Variants in CDKAL1 observed in about 807,000 individuals in gnomAD.
The protein encoded by CDKAL1 is threonylcarbamoyladenosine tRNA methylthiotransferase.
A neutral mutation model predicts 68.2 loss-of-function variants in CDKAL1; 32 were observed. That is an observed-to-expected ratio of 0.47 (90% CI 0.35 to 0.63). The LOEUF (loss-of-function observed/expected upper bound fraction) is 0.63. Among genes scored for constraint, CDKAL1 ranks in the 30% least tolerant of loss-of-function variants. The pLI is 0.00. For synonymous variants in CDKAL1, 234 were observed against 244.3 expected (o/e 0.96, Z 0.39); for missense variants, 606 against 696.7 (o/e 0.87, Z 1.47).
intron 12 of CDKAL1, among the ~76,000 whole-genome samples, chr6:21,088,034 A>C (rs1772797012): frequency 6.6e-6 from 1 of 152,104 alleles, no homozygotes; most frequent in African/African-American, 2.4e-5. Context: ...GAAAACAGGG[A>C]TATAAGTTCT....
chr6:20,612,115 T>G (rs960405419), intron 4 of CDKAL1, among the ~76,000 whole-genome samples: 1 of 152,218 alleles, frequency 6.6e-6, no homozygotes, highest in Non-Finnish European at 1.5e-5. Context: ...AGCATTCCAT[T>G]GTATATATGT....
chr6:20,704,444 C>T (rs1245715245), intron 5 of CDKAL1, among the ~76,000 whole-genome samples: 1 of 151,874 alleles, frequency 6.6e-6, no homozygotes, highest in East Asian at 1.9e-4. Flanking sequence ...GAGAAAAGAA[C>T]ATTCTAGACA....
intron 6 of CDKAL1, among the ~76,000 whole-genome samples, chr6:20,742,249 A>G (rs1159673391): frequency 2.0e-5 from 3 of 152,082 alleles, no homozygotes; most frequent in African/African-American, 7.2e-5. Flanking sequence ...ATTTTCTGCC[A>G]TTCTGTACAT....
At chr6:20,992,089 G>T (rs763987222) in intron 10 of CDKAL1, among the ~76,000 whole-genome samples, 14 of 133,830 alleles carry the variant, frequency 1.0e-4, no homozygotes, top group Middle Eastern at 4.3e-3. Flanking sequence ...ATGCAGTGGC[G>T]CAATCTTGGC....
At chr6:20,895,050 G>A (rs1353948754) in intron 9 of CDKAL1, among the ~76,000 whole-genome samples, 2 of 152,246 alleles carry the variant, frequency 1.3e-5, no homozygotes, top group African/African-American at 4.8e-5. Context: ...CTGCTGCCGT[G>A]AATCTGTTGT....
At chr6:20,703,055 A>G (rs1581411989) in intron 5 of CDKAL1, among the ~76,000 whole-genome samples, 1 of 152,358 alleles carries the variant, frequency 6.6e-6, no homozygotes, top group East Asian at 1.9e-4. Context: ...TATGGTTTCC[A>G]TTAGAATATG....
chr6:20,655,437 A>T (rs13208604), intron 5 of CDKAL1, among the ~76,000 whole-genome samples: 1 of 152,096 alleles, frequency 6.6e-6, no homozygotes, highest in African/African-American at 2.4e-5. Context: ...GGGGTCTCCA[A>T]CCCCTGGGCT....
At chr6:20,957,858 C>T (rs1436018374) in intron 10 of CDKAL1, among the ~76,000 whole-genome samples, 2 of 151,484 alleles carry the variant, frequency 1.3e-5, no homozygotes, top group East Asian at 3.9e-4. Flanking sequence ...GTAATCCCAG[C>T]TACTCAGGAG....
At chr6:20,781,288 C>T (rs1455383619) in intron 8 of CDKAL1, 23 bp downstream of exon 8, 3 of 1,587,388 alleles carry the variant, frequency 1.9e-6, no homozygotes, top group Non-Finnish European at 1.7e-6. Context: ...CAAACTTGCT[C>T]ATAAAATATT....
chr6:20,644,505 G>T (rs1768341434), intron 4 of CDKAL1, among the ~76,000 whole-genome samples: 1 of 151,994 alleles, frequency 6.6e-6, no homozygotes, highest in South Asian at 2.1e-4. Flanking sequence ...GTGAAACCCT[G>T]TCTCTACTAA....
At chr6:21,032,958 A>G (rs1286513326) in intron 11 of CDKAL1, among the ~76,000 whole-genome samples, 1 of 152,208 alleles carries the variant, frequency 6.6e-6, no homozygotes, top group Non-Finnish European at 1.5e-5. Flanking sequence ...GTATCACTTT[A>G]GAGTTATGAT....
intron 7 of CDKAL1, among the ~76,000 whole-genome samples, chr6:20,776,313 A>T (rs1240030960): frequency 6.6e-6 from 1 of 152,162 alleles, no homozygotes; most frequent in East Asian, 1.9e-4. Flanking sequence ...TGGGCTTTTG[A>T]TTGGAGAGTT....
chr6:20,883,277 T>C (rs912002359), intron 9 of CDKAL1, among the ~76,000 whole-genome samples: 1 of 152,230 alleles, frequency 6.6e-6, no homozygotes, highest in Non-Finnish European at 1.5e-5. Context: ...TCACCTTCTC[T>C]CATACGTTGT....
intron 4 of CDKAL1, among the ~76,000 whole-genome samples, chr6:20,566,698 C>T (rs1360810599): frequency 6.6e-6 from 1 of 152,070 alleles, no homozygotes; most frequent in Non-Finnish European, 1.5e-5. Flanking sequence ...ACATCACTGG[C>T]AGTTTTTACT....
intron 4 of CDKAL1, among the ~76,000 whole-genome samples, chr6:20,624,995 T>C (rs1767363655): frequency 6.6e-6 from 1 of 152,108 alleles, no homozygotes; most frequent in Non-Finnish European, 1.5e-5. Context: ...TTCATCTGTT[T>C]TCTGAGTCCT....
chr6:20,578,488 T>G (rs538642821), intron 4 of CDKAL1, among the ~76,000 whole-genome samples: 12 of 152,242 alleles, frequency 7.9e-5, no homozygotes, highest in Non-Finnish European at 1.2e-4. Flanking sequence ...TCATCCATGT[T>G]GTTGCATGTA....
chr6:20,959,395 T>TA (rs1053268162), intron 10 of CDKAL1, among the ~76,000 whole-genome samples: 1 of 152,170 alleles, frequency 6.6e-6, no homozygotes, highest in Non-Finnish European at 1.5e-5. Flanking sequence ...AATCAATAGA[T>TA]AAAACAATAA....
chr6:20,548,032 A>G (rs1763671658), intron 3 of CDKAL1, among the ~76,000 whole-genome samples: 1 of 152,202 alleles, frequency 6.6e-6, no homozygotes, highest in African/African-American at 2.4e-5. Flanking sequence ...TTTAAAATGC[A>G]ATTCAGAGAA....
At chr6:21,125,636 G>A (rs765732240) in intron 13 of CDKAL1, among the ~76,000 whole-genome samples, 36 of 152,262 alleles carry the variant, frequency 2.4e-4, no homozygotes, top group African/African-American at 6.0e-4. Flanking sequence ...CCAAGATTGC[G>A]CCATTGCACT....
Sources: allele counts gnomAD v4.1 joint callset (sites outside exome capture counted in the v4.1 genomes callset), GRCh38; gene constraint gnomAD v4.1.1; transcripts MANE v1.5; gene names NCBI Gene and HGNC (gene_info 2026-07-23, HGNC 2026-07-21).